SUFU: variants seen among roughly 807,000 people sequenced by gnomAD.
SUFU encodes SUFU negative regulator of hedgehog signaling.
SUFU carries 7 observed loss-of-function variants against 58.9 expected under a neutral mutation model. The observed-to-expected ratio is 0.12, with a 90% confidence interval of 0.07 to 0.22. SUFU has a LOEUF of 0.22. Ranked by LOEUF, SUFU falls within the 10% of genes least tolerant of loss-of-function variation. The probability of loss-of-function intolerance (pLI) is 1.00; values close to 1 mark genes in which losing one functional copy is unlikely to be tolerated. For missense variants in SUFU, 451 were observed against 641.3 expected (o/e 0.70, Z 3.20); for synonymous variants, 232 against 254.8 (o/e 0.91, Z 0.85).
At chr10:102,572,840 G>A (rs1056006195) in intron 3 of SUFU, 36 of 814,690 alleles carry the variant, frequency 4.4e-5, no homozygotes, top group African/African-American at 3.3e-4. Context: ...TCTCCATCAC[G>A]CTGAATCAGG....
At chr10:102,555,393 T>C (rs2062965185) in intron 3 of SUFU, among the ~76,000 whole-genome samples, 1 of 151,368 alleles carries the variant, frequency 6.6e-6, no homozygotes, top group South Asian at 2.1e-4. Context: ...GTCTTGCTCG[T>C]CCCTGAATCA....
At chr10:102,518,277 C>G (rs1468223628) in intron 2 of SUFU, among the ~76,000 whole-genome samples, 1 of 152,100 alleles carries the variant, frequency 6.6e-6, no homozygotes, top group Non-Finnish European at 1.5e-5. Context: ...ATCCACCCAG[C>G]CAGTGAATGC....
At chr10:102,599,701 G>A (rs866078456) in intron 8 of SUFU, among the ~76,000 whole-genome samples, 157 bp downstream of exon 8, 7 of 152,234 alleles carry the variant, frequency 4.6e-5, no homozygotes, top group Non-Finnish European at 8.8e-5. Context: ...GGGGCACACA[G>A]ATCTATCTGT....
intron 3 of SUFU, among the ~76,000 whole-genome samples, chr10:102,587,563 C>A (rs997152577): frequency 6.6e-6 from 1 of 152,166 alleles, no homozygotes; most frequent in Non-Finnish European, 1.5e-5. Flanking sequence ...GTGATCTCGG[C>A]TCACTGCAAC....
In SUFU at chr10:102,558,228, G is replaced by A. The variant is rs2063001268; in HGVS notation, c.454+8122G>A. 3.3e-5 allele frequency among the ~76,000 whole-genome samples: 5 copies of A among 151,982 alleles called. No homozygotes were observed. In the South Asian group the frequency reaches 8.3e-4, roughly 25 times the overall value. ...GTTTTTTAATTGATTTTTGAGACAG[G>A]GTTCTTGCTTTGTCACCCAGACTAG... On this transcript the variant is annotated intron_variant, in intron 3 of 11. Transcript: ENST00000369902.
chr10:102,565,125 TACC>T (rs1223261684), intron 3 of SUFU, among the ~76,000 whole-genome samples: 8 of 152,214 alleles, frequency 5.3e-5, no homozygotes, highest in Non-Finnish European at 1.2e-4. Flanking sequence ...AACATAGCCA[TACC>T]CATCATGGAT....
At chr10:102,508,051 T>G in intron 1 of SUFU, among the ~76,000 whole-genome samples, 1 of 150,618 alleles carries the variant, frequency 6.6e-6, no homozygotes, top group Non-Finnish European at 1.5e-5. Context: ...CTGCAACCTC[T>G]GCCTCTGTTG....
chr10:102,577,984 A>T (rs774642775), intron 3 of SUFU, among the ~76,000 whole-genome samples: 83 of 148,292 alleles, frequency 5.6e-4, no homozygotes, highest in Non-Finnish European at 1.1e-3. Context: ...CCTGGCCAGG[A>T]CTACGAGTTT....
chr10:102,503,321 A>G (rs1191162099), upstream of SUFU, among the ~76,000 whole-genome samples: 1 of 152,250 alleles, frequency 6.6e-6, no homozygotes, highest in Non-Finnish European at 1.5e-5. Flanking sequence ...TAACAGGCTA[A>G]CATTGATCCG....
intron 2 of SUFU, among the ~76,000 whole-genome samples, chr10:102,522,678 A>G (rs902532542): frequency 6.6e-6 from 1 of 152,198 alleles, no homozygotes; most frequent in African/African-American, 2.4e-5. Flanking sequence ...AGAGATCTAG[A>G]GAAGGAGTGG....
At chr10:102,623,797 G>A (rs576791051) in intron 10 of SUFU, among the ~76,000 whole-genome samples, 7 of 152,198 alleles carry the variant, frequency 4.6e-5, no homozygotes, top group East Asian at 1.9e-4. Flanking sequence ...AAAATTAGCC[G>A]GACATGGTGA....
chr10:102,590,955 A>G (rs991850914), intron 3 of SUFU: 3 of 152,166 alleles, frequency 2.0e-5, no homozygotes, highest in Non-Finnish European at 4.4e-5. Flanking sequence ...GTATTATCAC[A>G]TCTCAGATGA....
intron 8 of SUFU, among the ~76,000 whole-genome samples, chr10:102,603,084 GGTCTACGGA>G (rs1321219188): frequency 1.3e-5 from 2 of 152,196 alleles, no homozygotes; most frequent in African/African-American, 4.8e-5. Flanking sequence ...GGTCAGACAT[GGTCTACGGA>G]GTCTGGTCTC....
chr10:102,583,312 G>GT (rs1230760367), intron 3 of SUFU, among the ~76,000 whole-genome samples: 1 of 152,202 alleles, frequency 6.6e-6, no homozygotes, highest in Admixed American at 6.5e-5. Context: ...AGAAGTTTCT[G>GT]TTAGTGTCCT....
chr10:102,547,699 G>C (rs2062868113), intron 2 of SUFU, among the ~76,000 whole-genome samples: 1 of 152,184 alleles, frequency 6.6e-6, no homozygotes, highest in African/African-American at 2.4e-5. Context: ...GTGCACACCT[G>C]TGGTTCCAGC....
At chr10:102,556,018 C>T (rs2062972131) in intron 3 of SUFU, among the ~76,000 whole-genome samples, 2 of 152,346 alleles carry the variant, frequency 1.3e-5, no homozygotes, top group South Asian at 2.1e-4. Flanking sequence ...CACGTGAGAA[C>T]ATGCTCAGCA....
rs2135619783 is a variant in SUFU at position 102,509,153 on chromosome 10, G to A, written c.183-16G>A. On this transcript the variant is annotated splice_polypyrimidine_tract_variant and intron_variant, in intron 1 of 11. Transcript: ENST00000369902. ...TCCAGGCTTACACTAACACCCCTGT[G>A]TTTTGTTTTTTGCAGGTTGGGTGGC... The A allele has an allele frequency of 1.9e-6, 3 of 1,613,846 alleles. No homozygotes were observed. Among genetic ancestry groups the A allele is most frequent in the Non-Finnish European group, 1.7e-6 (2 of 1,180,022 alleles).
intron 2 of SUFU, among the ~76,000 whole-genome samples, chr10:102,526,107 G>T (rs1459100650): frequency 6.6e-6 from 1 of 152,038 alleles, no homozygotes; most frequent in Admixed American, 6.6e-5. Context: ...TGACCTCCCA[G>T]GAGCATGGGA....
intron 2 of SUFU, among the ~76,000 whole-genome samples, chr10:102,511,171 A>G (rs556282325): frequency 2.0e-5 from 3 of 151,186 alleles, no homozygotes; most frequent in African/African-American, 4.8e-5. Context: ...GAAAATAAAC[A>G]AAGTTTTTTT....
Sources: allele counts gnomAD v4.1 joint callset (sites outside exome capture counted in the v4.1 genomes callset), GRCh38; gene constraint gnomAD v4.1.1; transcripts MANE v1.5; gene names NCBI Gene and HGNC (gene_info 2026-07-23, HGNC 2026-07-21).